The following GRM8 variants were observed in gnomAD, a reference collection of about 807,000 sequenced individuals.
GRM8 encodes metabotropic glutamate receptor 8.
In GRM8, 47 loss-of-function variants were observed where a neutral mutation model predicts 87.2. The ratio of observed to expected loss-of-function variants is 0.54; its 90% confidence interval spans 0.43 to 0.69. The LOEUF (loss-of-function observed/expected upper bound fraction) is 0.69, where lower values mean the gene tolerates loss of function less well. Ranked by LOEUF, GRM8 falls within the 30% of genes least tolerant of loss-of-function variation. The probability of loss-of-function intolerance (pLI) is 0.00; values close to 1 mark genes in which losing one functional copy is unlikely to be tolerated. For synonymous variants in GRM8, 396 were observed against 404.5 expected (o/e 0.98, Z 0.25); for missense variants, 1,019 against 1,139.2 (o/e 0.89, Z 1.52).
At chr7:126,460,428 T>C (rs1191567188) in intron 9 of GRM8, among the ~76,000 whole-genome samples, 1 of 151,100 alleles carries the variant, frequency 6.6e-6, no homozygotes, top group East Asian at 2.0e-4. Context: ...TTCAAATAGG[T>C]CAAAACCTTA....
chr7:126,626,318 G>T (rs1800686311), intron 7 of GRM8, among the ~76,000 whole-genome samples: 1 of 152,012 alleles, frequency 6.6e-6, no homozygotes, highest in South Asian at 2.1e-4. Context: ...AAGTCTAAAA[G>T]TTATTAGTTT....
intron 7 of GRM8, among the ~76,000 whole-genome samples, chr7:126,626,756 A>G (rs556779853): frequency 6.6e-6 from 1 of 152,306 alleles, no homozygotes; most frequent in East Asian, 1.9e-4. Flanking sequence ...ATGTTGGCTC[A>G]TGCCTGTAAT....
intron 2 of GRM8, among the ~76,000 whole-genome samples, chr7:127,139,543 C>T (rs993250360): frequency 6.6e-6 from 1 of 152,082 alleles, no homozygotes; most frequent in Non-Finnish European, 1.5e-5. Context: ...TTCACTTACC[C>T]CAGAGCAAAG....
intron 9 of GRM8, among the ~76,000 whole-genome samples, chr7:126,457,075 G>A (rs1274747286): frequency 6.6e-6 from 1 of 151,396 alleles, no homozygotes; most frequent in East Asian, 1.9e-4. Context: ...CTGTGTGTGT[G>A]CCTGTGTGTG....
chr7:126,901,882 C>T lies in GRM8; in HGVS notation c.1156+660G>A, dbSNP rs542772833. 4.6e-5 allele frequency among the ~76,000 whole-genome samples: 7 copies of T among 152,152 alleles called. No homozygotes were observed. In the East Asian group the frequency reaches 1.3e-3, roughly 29 times the overall value. Reference sequence around the variant, plus strand: ...TATTAAAAATGAATGTTTATATTGACCTCATATCTGTAACCTTGCTAAATT... The same window carrying T: ...TATTAAAAATGAATGTTTATATTGATCTCATATCTGTAACCTTGCTAAATT... On this transcript the variant is annotated intron_variant, in intron 6 of 10. Transcript: ENST00000339582.
intron 7 of GRM8, among the ~76,000 whole-genome samples, chr7:126,745,459 T>C (rs1227115434): frequency 6.8e-6 from 1 of 147,734 alleles, no homozygotes; most frequent in Non-Finnish European, 1.5e-5. Flanking sequence ...TGTCTGCATC[T>C]GTGTGTATAT....
chr7:126,621,917 G>T (rs1800219712), intron 7 of GRM8, among the ~76,000 whole-genome samples: 1 of 151,960 alleles, frequency 6.6e-6, no homozygotes, highest in Non-Finnish European at 1.5e-5. Flanking sequence ...TTGTCACACT[G>T]CTTCGCTCCC....
intron 6 of GRM8, among the ~76,000 whole-genome samples, chr7:126,784,260 CAAAA>C (rs894186123): frequency 2.7e-5 from 4 of 150,392 alleles, no homozygotes; most frequent in Non-Finnish European, 5.9e-5. Context: ...TGTACAAAAA[CAAAA>C]AAAAATTGAA....
At chr7:127,025,061 G>A (rs1586784262) in intron 3 of GRM8, among the ~76,000 whole-genome samples, 1 of 152,050 alleles carries the variant, frequency 6.6e-6, no homozygotes, top group East Asian at 1.9e-4. Context: ...TTCCTGAGAG[G>A]AATCAGCTCC....
chr7:126,917,000 C>T (rs1413222338), intron 3 of GRM8, among the ~76,000 whole-genome samples: 1 of 152,156 alleles, frequency 6.6e-6, no homozygotes, highest in Non-Finnish European at 1.5e-5. Context: ...TTTTTGGATT[C>T]AGATAGCACT....
At chr7:126,941,357 C>T (rs1254225386) in intron 3 of GRM8, among the ~76,000 whole-genome samples, 1 of 151,436 alleles carries the variant, frequency 6.6e-6, no homozygotes, top group African/African-American at 2.4e-5. Flanking sequence ...GCTGTAATCC[C>T]AGTACTTTGG....
intron 9 of GRM8, among the ~76,000 whole-genome samples, chr7:126,515,745 C>A (rs1048847176): frequency 6.6e-5 from 10 of 152,118 alleles, no homozygotes; most frequent in Admixed American, 1.3e-4. Context: ...GCACTACTGA[C>A]TCTTCTGCCT....
In GRM8 at chr7:126,658,838, G is replaced by A. The variant is rs139583094; in HGVS notation, c.1358-49340C>T. 4.8e-3 allele frequency among the ~76,000 whole-genome samples: 731 copies of A among 152,008 alleles called. 5 individuals carry two copies. Among genetic ancestry groups the A allele is most frequent in the African/African-American group, 0.017 (687 of 41,430 alleles). ...CTGGCCAAATGACAGATGAAAAAAC[G>A]TACACAGACACAGGTGTTTTGCCTG... On this transcript the variant is annotated intron_variant, in intron 7 of 10. Coordinates refer to ENST00000339582, the MANE Select transcript of GRM8 (RefSeq NM_000845.3).
rs556921764 is a variant in GRM8, at chr7:127,183,618, T to TAA, written c.510+59075_510+59076dup. On this transcript the variant is annotated intron_variant, in intron 2 of 10. Transcript: ENST00000339582. ...TAAAATCAATAGTCTAAACTTTCTCTAAAAAAAAACTAGAGAAAAAGAACA... is the reference window on the plus strand; with the variant it reads ...TAAAATCAATAGTCTAAACTTTCTCTAAAAAAAAAAACTAGAGAAAAAGAACA... Among the ~76,000 whole-genome samples, 6 of 149,936 alleles carry TAA rather than the reference T, an allele frequency of 4.0e-5. No individual in the cohort carries two copies. In the East Asian group the frequency reaches 5.8e-4, roughly 15 times the overall value.
chr7:127,156,740 C>A (rs571887484), intron 2 of GRM8, among the ~76,000 whole-genome samples: 1 of 151,706 alleles, frequency 6.6e-6, no homozygotes, highest in African/African-American at 2.4e-5. Context: ...CTAATGAAAA[C>A]GAGAAATCGA....
At chr7:127,104,379 C>T (rs1292737097) in intron 3 of GRM8, among the ~76,000 whole-genome samples, 5 of 152,102 alleles carry the variant, frequency 3.3e-5, no homozygotes, top group Non-Finnish European at 7.4e-5. Context: ...CAGATAATTT[C>T]AGAATGGGTT....
chr7:126,960,966 TATAA>T (rs1176138420), intron 3 of GRM8, among the ~76,000 whole-genome samples: 1 of 152,150 alleles, frequency 6.6e-6, no homozygotes, highest in Non-Finnish European at 1.5e-5. Flanking sequence ...ATGACTGACA[TATAA>T]ACAAATGTGA....
intron 8 of GRM8, among the ~76,000 whole-genome samples, chr7:126,583,505 A>C (rs1170478307): frequency 6.6e-6 from 1 of 152,236 alleles, no homozygotes; most frequent in Non-Finnish European, 1.5e-5. Flanking sequence ...TCACCATTCT[A>C]GATGCCATTG....
chr7:126,932,472 G>A (rs769800878), intron 3 of GRM8, among the ~76,000 whole-genome samples: 4 of 152,094 alleles, frequency 2.6e-5, no homozygotes, highest in Non-Finnish European at 4.4e-5. Context: ...TTTAAGACAC[G>A]TTCCTGTGTA....
Sources: gnomAD v4.1 joint callset for allele counts (sites outside exome capture counted in the v4.1 genomes callset) on GRCh38, gnomAD v4.1.1 for gene constraint, MANE v1.5 for transcripts, NCBI Gene and HGNC (gene_info 2026-07-23, HGNC 2026-07-21) for gene names.